The following SEL1L3 variants were observed in gnomAD, a reference collection of about 807,000 sequenced individuals.
The protein encoded by SEL1L3 is SEL1L family member 3, also known as protein sel-1 homolog 3.
SEL1L3 carries 76 observed loss-of-function variants against 142.8 expected under a neutral mutation model. The ratio of observed to expected loss-of-function variants is 0.53; its 90% CI spans 0.44 to 0.64. The LOEUF is 0.64. SEL1L3 is among the 30% of genes least tolerant of loss of function. The probability of loss-of-function intolerance (pLI) is 0.00; values close to 1 mark genes in which losing one functional copy is unlikely to be tolerated. For missense variants in SEL1L3, 1,262 were observed against 1,381.7 expected (o/e 0.91, Z 1.37); for synonymous variants, 504 against 519.6 (o/e 0.97, Z 0.41).
At chr4:25,851,469 C>T (rs752664157) in intron 1 of SEL1L3, among the ~76,000 whole-genome samples, 10 of 152,012 alleles carry the variant, frequency 6.6e-5, no homozygotes, top group East Asian at 3.9e-4. Context: ...GTTGCTTACA[C>T]GGATAAGAAT....
chr4:25,798,545 C>T (rs73103970), intron 11 of SEL1L3, among the ~76,000 whole-genome samples: 5,771 of 152,126 alleles, frequency 0.038, 374 homozygotes, highest in African/African-American at 0.13. Context: ...AAGACCAGGA[C>T]GGCTGGGCGA....
the SEL1L3 span, among the ~76,000 whole-genome samples, chr4:25,725,462 C>T: frequency 4.6e-5 from 7 of 151,936 alleles, no homozygotes; most frequent in Non-Finnish European, 7.4e-5. Context: ...ATTACAGGTA[C>T]GTGTCACCAC....
chr4:25,749,916 C>T (rs1289566389), intron 23 of SEL1L3, among the ~76,000 whole-genome samples: 3 of 152,152 alleles, frequency 2.0e-5, no homozygotes, highest in Non-Finnish European at 4.4e-5. Context: ...TCAAATTTTG[C>T]ATCCATAGTA....
chr4:25,763,843 A>G (rs994052940), intron 20 of SEL1L3, among the ~76,000 whole-genome samples: 5 of 152,026 alleles, frequency 3.3e-5, no homozygotes, highest in African/African-American at 1.2e-4. Context: ...GTCTCAAAAA[A>G]CCCCACAAAA....
At chr4:25,743,003 T>C (rs1230671298), downstream of SEL1L3, among the ~76,000 whole-genome samples, 1 of 152,186 alleles carries the variant, frequency 6.6e-6, no homozygotes, top group Non-Finnish European at 1.5e-5. Context: ...CCACGAGTTA[T>C]GAACCCAAAT....
At chr4:25,746,355 T>A (rs915639242), downstream of SEL1L3, among the ~76,000 whole-genome samples, 2 of 151,436 alleles carry the variant, frequency 1.3e-5, no homozygotes, top group African/African-American at 4.9e-5. Flanking sequence ...CTGTTTCTAC[T>A]AGAAATACAA....
the SEL1L3 span, among the ~76,000 whole-genome samples, chr4:25,721,434 G>A: frequency 1.3e-5 from 2 of 151,708 alleles, no homozygotes; most frequent in South Asian, 2.1e-4. Context: ...TACCCACAGC[G>A]GCACTTACTG....
chr4:25,753,059 T>A (rs1192498754), intron 23 of SEL1L3, among the ~76,000 whole-genome samples: 2 of 152,252 alleles, frequency 1.3e-5, no homozygotes, highest in Non-Finnish European at 2.9e-5. Context: ...CAAGGTCACA[T>A]AGCTAGCTAC....
Position 25,836,459 on chromosome 4 carries a change from C to T in SEL1L3, c.734-1136G>A, listed in dbSNP as rs540107314. On this transcript the variant is annotated intron_variant, in intron 2 of 23. Transcript: ENST00000399878. ...GTCAGGAGATCGAGACCAGCCTGGCCAACATGGTGAAACCCCATCTCTACT... is the reference window on the plus strand; with the variant it reads ...GTCAGGAGATCGAGACCAGCCTGGCTAACATGGTGAAACCCCATCTCTACT... Among the ~76,000 whole-genome samples, 70 of 151,950 alleles carry T rather than the reference C, an allele frequency of 4.6e-4. No individual in the cohort carries two copies. The South Asian group carries it at 5.6e-3, about 12-fold the overall frequency.
chr4:25,813,871 C>T (rs1714194060), intron 9 of SEL1L3, among the ~76,000 whole-genome samples: 1 of 152,184 alleles, frequency 6.6e-6, no homozygotes, highest in Non-Finnish European at 1.5e-5. Flanking sequence ...ACACTCTTTT[C>T]CACTTCCCAC....
intron 23 of SEL1L3, among the ~76,000 whole-genome samples, chr4:25,750,509 A>G (rs1366429583): frequency 6.6e-6 from 1 of 152,210 alleles, no homozygotes; most frequent in Non-Finnish European, 1.5e-5. Flanking sequence ...GGAGGTATAC[A>G]GGGGAAAACC....
the SEL1L3 span, among the ~76,000 whole-genome samples, chr4:25,731,254 T>C: frequency 6.6e-6 from 1 of 152,254 alleles, no homozygotes; most frequent in Non-Finnish European, 1.5e-5. Flanking sequence ...GTAAGATGTT[T>C]GTTTTACTGG....
At chr4:25,843,428 C>T (rs115809220) in intron 2 of SEL1L3, among the ~76,000 whole-genome samples, 1,686 of 152,240 alleles carry the variant, frequency 0.011, 38 homozygotes, top group African/African-American at 0.038. Flanking sequence ...CACATACAGC[C>T]AGCACTAGGT....
chr4:25,776,232 A>G (rs781254450), intron 17 of SEL1L3, 45 bp downstream of exon 17: 1 of 1,279,748 alleles, frequency 7.8e-7, no homozygotes, highest in Admixed American at 1.8e-5. Flanking sequence ...GACTATACTG[A>G]CAGACAGGGA....
intron 20 of SEL1L3, among the ~76,000 whole-genome samples, chr4:25,763,905 G>A (rs6810985): frequency 0.78 from 119,335 of 152,068 alleles, 46,882 homozygotes; most frequent in Admixed American, 0.82. Flanking sequence ...TAAGTTTCCA[G>A]TTTTTGCTCA....
chr4:25,815,143 G>T (rs1342611579), intron 9 of SEL1L3, among the ~76,000 whole-genome samples: 1 of 152,192 alleles, frequency 6.6e-6, no homozygotes, highest in East Asian at 1.9e-4. Context: ...TGGTGGCCGG[G>T]GAGGCTGGCA....
In SEL1L3 at chr4:25,818,164, G is replaced by A; in HGVS notation, c.1538C>T (p.Ala513Val). The A allele has an allele frequency of 6.2e-7, 1 of 1,611,498 alleles. No individual in the cohort carries two copies. The highest frequency in any genetic ancestry group is 8.5e-7 in the Non-Finnish European group (1 of 1,178,828). Residue 513 changes from alanine to valine, a missense_variant, in exon 9 of 24, where the codon GCA (alanine) becomes GTA (valine). Transcript: ENST00000399878. ...GGTCAGCAGATCCATCTCCAGCAAT[G>A]CCTGGAACAAGCTGGGGTGTTTGTC... Reference protein sequence around the residue: ...LKDKHPSLFQALLEMDLLTVP... With the variant: ...LKDKHPSLFQVLLEMDLLTVP...
the SEL1L3 span, among the ~76,000 whole-genome samples, chr4:25,730,154 G>A: frequency 2.6e-5 from 4 of 152,038 alleles, no homozygotes; most frequent in Admixed American, 6.6e-5. Context: ...GTCTGGTCTC[G>A]AACTCCTGAC....
chr4:25,847,939 A>C, intron 1 of SEL1L3, 75 bp from the exon 2 acceptor site: 2 of 893,742 alleles, frequency 2.2e-6, no homozygotes, highest in Non-Finnish European at 3.3e-6. Flanking sequence ...TTGAATCATT[A>C]TTTTCCTGGG....
Sources: allele counts gnomAD v4.1 joint callset (sites outside exome capture counted in the v4.1 genomes callset), GRCh38; gene constraint gnomAD v4.1.1; transcripts MANE v1.5; gene names NCBI Gene and HGNC (gene_info 2026-07-23, HGNC 2026-07-21).